Variants in ANKIB1 observed in about 807,000 individuals in gnomAD.
ANKIB1 encodes the protein ankyrin repeat and IBR domain containing 1.
ANKIB1 carries 43 observed loss-of-function variants against 122.1 expected under a neutral mutation model. The observed-to-expected ratio is 0.35, with a 90% CI of 0.28 to 0.45. The LOEUF (loss-of-function observed/expected upper bound fraction) is 0.45, where lower values mean the gene tolerates loss of function less well. ANKIB1 is among the 20% of genes least tolerant of loss of function. The pLI is 1.00. For synonymous variants in ANKIB1, 390 were observed against 442.0 expected (o/e 0.88, Z 1.48); for missense variants, 992 against 1,329.5 (o/e 0.75, Z 3.95).
At chr7:92,363,405 G>A (rs919942453) in intron 10 of ANKIB1, among the ~76,000 whole-genome samples, 7 of 151,824 alleles carry the variant, frequency 4.6e-5, no homozygotes, top group South Asian at 4.2e-4. Flanking sequence ...GCGAGACTCC[G>A]TCTCAAAAAA....
chr7:92,345,274 G>A (rs1228214565), intron 7 of ANKIB1, among the ~76,000 whole-genome samples: 2 of 151,996 alleles, frequency 1.3e-5, no homozygotes, highest in Non-Finnish European at 2.9e-5. Flanking sequence ...ATGCTATTTA[G>A]CTTAATGTAA....
intron 1 of ANKIB1, among the ~76,000 whole-genome samples, chr7:92,253,384 T>G (rs1801370289): frequency 6.6e-6 from 1 of 152,224 alleles, no homozygotes; most frequent in Non-Finnish European, 1.5e-5. Flanking sequence ...GGCTTTTGCC[T>G]CTGTGGAACC....
At chr7:92,386,217 CT>C (rs909867409) in intron 11 of ANKIB1, among the ~76,000 whole-genome samples, 1 of 152,126 alleles carries the variant, frequency 6.6e-6, no homozygotes, top group African/African-American at 2.4e-5. Context: ...AAATGAAACA[CT>C]TTCCAAAGAT....
At chr7:92,247,981 A>G (rs1801225344) in intron 1 of ANKIB1, among the ~76,000 whole-genome samples, 1 of 152,146 alleles carries the variant, frequency 6.6e-6, no homozygotes. Context: ...GGCTCAGGAG[A>G]TGTAGCTCCA....
chr7:92,352,701 G>T, intron 9 of ANKIB1, 59 bp downstream of exon 9: 1 of 1,518,710 alleles, frequency 6.6e-7, no homozygotes, highest in African/African-American at 1.4e-5. Context: ...AGTTATTAAA[G>T]ACTTTGCACC....
chr7:92,261,296 C>G (rs910070323), intron 1 of ANKIB1, among the ~76,000 whole-genome samples: 1 of 149,640 alleles, frequency 6.7e-6, no homozygotes, highest in Non-Finnish European at 1.5e-5. Flanking sequence ...TTGCAGTGAG[C>G]CGAGATCGCG....
intron 16 of ANKIB1, 98 bp from the exon 17 acceptor site, chr7:92,392,142 AC>A: frequency 1.1e-6 from 1 of 916,976 alleles, no homozygotes; most frequent in Admixed American, 2.5e-5. Context: ...GCAAGTTCCA[AC>A]AGAGGAATTC....
chr7:92,255,276 T>G (rs1801411652), intron 1 of ANKIB1, among the ~76,000 whole-genome samples: 1 of 152,236 alleles, frequency 6.6e-6, no homozygotes, highest in African/African-American at 2.4e-5. Context: ...TTCCTAAACT[T>G]TCTTCTGACT....
chr7:92,369,281 G>A (rs1804176033), intron 10 of ANKIB1, among the ~76,000 whole-genome samples: 1 of 152,146 alleles, frequency 6.6e-6, no homozygotes, highest in Admixed American at 6.6e-5. Flanking sequence ...GTTCAGAACT[G>A]GAGTAAAGTC....
chr7:92,354,234 CTG>C (rs1803733180), intron 9 of ANKIB1, among the ~76,000 whole-genome samples: 1 of 152,184 alleles, frequency 6.6e-6, no homozygotes, highest in Non-Finnish European at 1.5e-5. Context: ...ATGCTATAAA[CTG>C]TAAATTTCTA....
intron 1 of ANKIB1, among the ~76,000 whole-genome samples, chr7:92,254,190 A>G (rs1801388803): frequency 6.6e-6 from 1 of 152,186 alleles, no homozygotes; most frequent in Non-Finnish European, 1.5e-5. Flanking sequence ...CAGAGATGAA[A>G]ACAGCAGAGA....
intron 3 of ANKIB1, among the ~76,000 whole-genome samples, chr7:92,313,844 T>G (rs1214580866): frequency 6.6e-6 from 1 of 152,178 alleles, no homozygotes; most frequent in Non-Finnish European, 1.5e-5. Context: ...TGGCAGAGTT[T>G]GAGAAGCACT....
At chr7:92,352,044 A>T (rs1473534989) in intron 8 of ANKIB1, among the ~76,000 whole-genome samples, 1 of 152,054 alleles carries the variant, frequency 6.6e-6, no homozygotes, top group Non-Finnish European at 1.5e-5. Context: ...TAGAAAGTAT[A>T]ATATTGATTA....
At chr7:92,393,708 T>C (rs901410714) in intron 17 of ANKIB1, among the ~76,000 whole-genome samples, 1 of 152,132 alleles carries the variant, frequency 6.6e-6, no homozygotes, top group Admixed American at 6.6e-5. Context: ...TTTTATGAAT[T>C]GATAATTTTT....
chr7:92,298,768 T>TAAAAAAAAAA (rs34091044), intron 2 of ANKIB1, among the ~76,000 whole-genome samples: 1 of 117,584 alleles, frequency 8.5e-6, no homozygotes. Flanking sequence ...CACTTGCAGT[T>TAAAAAAAAAA]AAAAAAAAAA....
chr7:92,344,710 A>G (rs1329347918), intron 6 of ANKIB1, among the ~76,000 whole-genome samples: 2 of 152,196 alleles, frequency 1.3e-5, no homozygotes, highest in Non-Finnish European at 2.9e-5. Context: ...TTCCAAACGC[A>G]CAGTTGCTGA....
chr7:92,344,157 C>T (rs978388350), intron 6 of ANKIB1, among the ~76,000 whole-genome samples: 16 of 141,446 alleles, frequency 1.1e-4, no homozygotes, highest in Non-Finnish European at 2.3e-4. Flanking sequence ...AGTTTTAATA[C>T]ATAGGTGGGT....
chr7:92,386,601 C>T lies in ANKIB1; in HGVS notation c.1710C>T (p.Val570=). Residue 570 remains valine (V), a synonymous_variant, in exon 12 of 20, where the codon GTC becomes GTT. Transcript: ENST00000265742. ...GGYYRCTRYE[V]IQHVEEQSKE... ...ATTACAGATGTACTCGCTATGAAGT[C>T]ATTCAACACGTGGAGGAGCAATCCA... The T allele has an allele frequency of 6.2e-7, 1 of 1,605,034 alleles. No homozygotes were observed. Among genetic ancestry groups the T allele is most frequent in the South Asian group, 1.1e-5 (1 of 88,946 alleles).
intron 17 of ANKIB1, chr7:92,396,047 A>G (rs1804883928): frequency 3.6e-6 from 1 of 275,944 alleles, no homozygotes. Flanking sequence ...AATGAGTAAT[A>G]TGGTTGTAGT....
Sources: gnomAD v4.1 joint callset for allele counts (sites outside exome capture counted in the v4.1 genomes callset) on GRCh38, gnomAD v4.1.1 for gene constraint, MANE v1.5 for transcripts, NCBI Gene and HGNC (gene_info 2026-07-23, HGNC 2026-07-21) for gene names.